The following ASAP1 variants were observed in gnomAD, a reference collection of about 807,000 sequenced individuals.
ASAP1 encodes ArfGAP with SH3 domain, ankyrin repeat and PH domain 1, also known as arf-GAP with SH3 domain, ANK repeat and PH domain-containing protein 1.
ASAP1 carries 43 observed loss-of-function variants against 145.2 expected under a neutral mutation model. The observed-to-expected ratio is 0.30, with a 90% CI of 0.23 to 0.38. The LOEUF is 0.38. Among genes scored for constraint, ASAP1 ranks in the 10% least tolerant of loss-of-function variants. The probability of loss-of-function intolerance (pLI) is 1.00; values close to 1 mark genes in which losing one functional copy is unlikely to be tolerated. For synonymous variants in ASAP1, 546 were observed against 515.5 expected, an observed-to-expected ratio of 1.06 and a Z score of -0.80; for missense variants, 1,018 against 1,355.3, an observed-to-expected ratio of 0.75 and a Z score of 3.91.
chr8:130,079,997 G>T, intron 25 of ASAP1, 26 bp from the exon 26 acceptor site: 1 of 1,599,806 alleles, frequency 6.3e-7, no homozygotes, highest in Non-Finnish European at 8.6e-7. Flanking sequence ...AAGGTGAAAA[G>T]GTATGTCTTT....
At chr8:130,279,556 C>T (rs373601626) in intron 3 of ASAP1, among the ~76,000 whole-genome samples, 1 of 152,288 alleles carries the variant, frequency 6.6e-6, no homozygotes, top group East Asian at 1.9e-4. Context: ...GCGCAGGGTT[C>T]AAATTCCAGC....
chr8:130,383,403 T>A (rs557013199), intron 2 of ASAP1, among the ~76,000 whole-genome samples: 2 of 152,094 alleles, frequency 1.3e-5, no homozygotes. Flanking sequence ...GTAGAGACCA[T>A]CAAGGGGAGA....
At chr8:130,207,878 G>A (rs1816324955) in intron 5 of ASAP1, among the ~76,000 whole-genome samples, 1 of 152,118 alleles carries the variant, frequency 6.6e-6, no homozygotes, top group African/African-American at 2.4e-5. Flanking sequence ...TTCAATTAGA[G>A]GAAGAAATTA....
At chr8:130,353,061 A>C (rs1826092610) in intron 3 of ASAP1, among the ~76,000 whole-genome samples, 1 of 152,202 alleles carries the variant, frequency 6.6e-6, no homozygotes, top group Non-Finnish European at 1.5e-5. Flanking sequence ...CTACATGGTA[A>C]TTTGAGTGAT....
intron 13 of ASAP1, among the ~76,000 whole-genome samples, chr8:130,138,704 C>T (rs2097601397): frequency 6.6e-6 from 1 of 151,858 alleles, no homozygotes; most frequent in Admixed American, 6.6e-5. Context: ...GGCGTGGTGT[C>T]GGGTGCCTGT....
At chr8:130,368,850 C>T (rs1002792663) in intron 2 of ASAP1, among the ~76,000 whole-genome samples, 4 of 152,188 alleles carry the variant, frequency 2.6e-5, no homozygotes, top group Admixed American at 2.6e-4. Context: ...TAGTCCAACC[C>T]TTGGACTTCC....
chr8:130,094,208 T>C (rs552675890), intron 24 of ASAP1, among the ~76,000 whole-genome samples: 1 of 152,302 alleles, frequency 6.6e-6, no homozygotes, highest in East Asian at 1.9e-4. Flanking sequence ...CCTAGGTTTA[T>C]CGTTAAAAAA....
At chr8:130,188,963 T>A (rs1348031633) in intron 5 of ASAP1, among the ~76,000 whole-genome samples, 1 of 152,190 alleles carries the variant, frequency 6.6e-6, no homozygotes, top group Non-Finnish European at 1.5e-5. Context: ...CACATTTTTT[T>A]ATAGCATGTA....
chr8:130,297,450 T>C (rs575366147), intron 3 of ASAP1, among the ~76,000 whole-genome samples: 152 of 152,346 alleles, frequency 1.0e-3, no homozygotes, highest in Non-Finnish European at 1.9e-3. Flanking sequence ...GTCAACTAAG[T>C]ATGACTGCTC....
intron 25 of ASAP1, among the ~76,000 whole-genome samples, chr8:130,087,198 G>C (rs561017850): frequency 6.6e-6 from 1 of 152,208 alleles, no homozygotes; most frequent in Non-Finnish European, 1.5e-5. Context: ...ACAAATGTCG[G>C]GGAACCAAAG....
intron 3 of ASAP1, among the ~76,000 whole-genome samples, chr8:130,287,135 G>C (rs1482219393): frequency 1.3e-5 from 2 of 152,086 alleles, no homozygotes; most frequent in Admixed American, 1.3e-4. Context: ...GACTCTAATT[G>C]AACAAAGCTG....
intron 4 of ASAP1, among the ~76,000 whole-genome samples, chr8:130,229,946 C>T (rs977338387): frequency 2.0e-5 from 3 of 151,994 alleles, no homozygotes; most frequent in Non-Finnish European, 4.4e-5. Flanking sequence ...ACTGTGGTCC[C>T]AGCTGCTACT....
At chr8:130,425,891 T>G (rs988470426) in intron 1 of ASAP1, among the ~76,000 whole-genome samples, 1 of 152,132 alleles carries the variant, frequency 6.6e-6, no homozygotes, top group African/African-American at 2.4e-5. Context: ...TAGCCATGGT[T>G]TGGATGAGTT....
intron 1 of ASAP1, among the ~76,000 whole-genome samples, chr8:130,409,253 C>T (rs1434497987): frequency 2.2e-5 from 3 of 138,820 alleles, no homozygotes; most frequent in Non-Finnish European, 3.1e-5. Flanking sequence ...CAGAGTGAGA[C>T]GGTGTCTCAA....
intron 1 of ASAP1, among the ~76,000 whole-genome samples, chr8:130,437,737 C>G (rs902421185): frequency 6.6e-6 from 1 of 152,182 alleles, no homozygotes; most frequent in Non-Finnish European, 1.5e-5. Context: ...TCAACATCCC[C>G]CAGAAGCCGC....
intron 1 of ASAP1, among the ~76,000 whole-genome samples, chr8:130,404,551 A>G (rs567394801): frequency 6.6e-6 from 1 of 152,348 alleles, no homozygotes; most frequent in East Asian, 1.9e-4. Context: ...TGTTACTTGC[A>G]TACATAGTCA....
At position 130,112,034 on chromosome 8, in the gene ASAP1, T is replaced by TGAGGATGGAGTCACAAGCCCTTC. The variant is rs547296674; in HGVS notation, c.2401+37_2401+59dup. The stretch of plus-strand genomic sequence containing the variant: ...TCAAAGCTGGCTAGACTATCAGCTC[T>TGAGGATGGAGTCACAAGCCCTTC]GAGGATGGAGTCACAAGCCCTTCGA... On this transcript the variant is annotated intron_variant, in intron 24 of 29. Coordinates refer to ENST00000518721, the MANE Select transcript of ASAP1 (RefSeq NM_018482.4). 23 of 1,486,132 alleles carry TGAGGATGGAGTCACAAGCCCTTC rather than the reference T, an allele frequency of 1.5e-5. No individual in the cohort carries two copies. In the East Asian group the frequency reaches 1.8e-4, roughly 12 times the overall value. 92.1% of individuals were successfully genotyped at this position (1,486,132 alleles called of 1,614,324 possible).
chr8:130,265,954 A>T (rs1820217738), intron 3 of ASAP1, among the ~76,000 whole-genome samples: 1 of 152,218 alleles, frequency 6.6e-6, no homozygotes, highest in African/African-American at 2.4e-5. Flanking sequence ...TATGGCTAAC[A>T]TCCATAGTGA....
intron 2 of ASAP1, among the ~76,000 whole-genome samples, chr8:130,361,923 T>G (rs1355397890): frequency 2.7e-4 from 41 of 152,124 alleles, no homozygotes; most frequent in Non-Finnish European, 5.6e-4. Context: ...AAAGCAAGCA[T>G]CATCTCTGTT....
Sources: gnomAD v4.1 joint callset for allele counts (sites outside exome capture counted in the v4.1 genomes callset) on GRCh38, gnomAD v4.1.1 for gene constraint, MANE v1.5 for transcripts, NCBI Gene and HGNC (gene_info 2026-07-23, HGNC 2026-07-21) for gene names.